MCC: variants seen among roughly 807,000 people sequenced by gnomAD.
The protein encoded by MCC is colorectal mutant cancer protein.
In MCC, 90 loss-of-function variants were observed where a neutral mutation model predicts 116.2. That is an observed-to-expected ratio of 0.77 (90% CI 0.65 to 0.92). MCC has a LOEUF of 0.92. Ranked by LOEUF, MCC falls within the 40% of genes least tolerant of loss-of-function variation. The pLI is 0.00. For missense variants in MCC, 1,516 were observed against 1,312.2 expected, an observed-to-expected ratio of 1.16 and a Z score of -2.40; for synonymous variants, 578 against 510.5, an observed-to-expected ratio of 1.13 and a Z score of -1.78.
chr5:113,110,096 G>T (rs1051457760), intron 6 of MCC, among the ~76,000 whole-genome samples: 3 of 152,284 alleles, frequency 2.0e-5, no homozygotes, highest in Non-Finnish European at 2.9e-5. Flanking sequence ...TGGGGTTACA[G>T]GCGTGAGCTA....
chr5:113,256,710 A>G (rs1444201773), intron 3 of MCC, among the ~76,000 whole-genome samples: 1 of 152,184 alleles, frequency 6.6e-6, no homozygotes, highest in African/African-American at 2.4e-5. Flanking sequence ...ATCCAAACTT[A>G]AGAGCTATCT....
chr5:113,317,086 A>G (rs181838962), intron 3 of MCC, among the ~76,000 whole-genome samples: 2 of 152,332 alleles, frequency 1.3e-5, no homozygotes, highest in East Asian at 3.9e-4. Context: ...GGGACTACCG[A>G]AAAGAAATAA....
chr5:113,215,283 T>G (rs1380006439), intron 3 of MCC, among the ~76,000 whole-genome samples: 1 of 152,080 alleles, frequency 6.6e-6, no homozygotes, highest in East Asian at 1.9e-4. Context: ...GACAACTTGG[T>G]GGGGGGAGGA....
chr5:113,146,349 A>G lies in MCC; in HGVS notation c.742-2989T>C, dbSNP rs565737697. ...GCCATCAAGGCACTGAAGCTGTTGC[A>G]GCTGCAATCTTCTCTCCTCTATGTC... On this transcript the variant is annotated intron_variant, in intron 4 of 18. Transcript: ENST00000408903. Among the ~76,000 whole-genome samples, 3 of 1,094 alleles carry G rather than the reference A, an allele frequency of 2.7e-3. No homozygotes were observed. The South Asian group carries it at 0.21, about 78-fold the overall frequency. The allele number at this position is 1,094 out of a possible 152,430, so 0.7% of individuals were successfully genotyped here.
intron 3 of MCC, among the ~76,000 whole-genome samples, chr5:113,282,449 G>A (rs989430216): frequency 6.6e-6 from 1 of 152,194 alleles, no homozygotes; most frequent in Non-Finnish European, 1.5e-5. Flanking sequence ...ATGAGAAACA[G>A]TTTTGGAAGT....
intron 3 of MCC, among the ~76,000 whole-genome samples, chr5:113,269,017 G>A (rs1411309997): frequency 6.6e-6 from 1 of 152,146 alleles, no homozygotes; most frequent in Non-Finnish European, 1.5e-5. Context: ...AGGAACAAAA[G>A]AAGAATGGCA....
chr5:113,453,829 A>G (rs1771467479), intron 1 of MCC, among the ~76,000 whole-genome samples: 1 of 152,168 alleles, frequency 6.6e-6, no homozygotes. Context: ...TTAAAGTAAT[A>G]GCCAGGTGTG....
intron 11 of MCC, among the ~76,000 whole-genome samples, chr5:113,072,693 T>C (rs1431512199): frequency 1.3e-5 from 2 of 152,232 alleles, no homozygotes; most frequent in African/African-American, 4.8e-5. Flanking sequence ...TGCCATTCTC[T>C]TGGGGCTGTC....
chr5:113,061,358 A>T (rs374060346), intron 14 of MCC, among the ~76,000 whole-genome samples: 479 of 152,328 alleles, frequency 3.1e-3, no homozygotes, highest in Middle Eastern at 0.017. Flanking sequence ...GCACAGAAGG[A>T]GCTGAACTGT....
intron 3 of MCC, among the ~76,000 whole-genome samples, chr5:113,168,220 T>A (rs1022071968): frequency 6.6e-6 from 1 of 152,186 alleles, no homozygotes; most frequent in African/African-American, 2.4e-5. Context: ...ATATACACTG[T>A]ACATGCTTGT....
intron 1 of MCC, among the ~76,000 whole-genome samples, chr5:113,437,833 T>C (rs1353891894): frequency 6.6e-6 from 1 of 152,208 alleles, no homozygotes; most frequent in Non-Finnish European, 1.5e-5. Flanking sequence ...TTGGTTGCTC[T>C]TGGGTAGAGT....
intron 3 of MCC, among the ~76,000 whole-genome samples, chr5:113,290,793 G>A (rs1766465504): frequency 6.6e-6 from 1 of 152,138 alleles, no homozygotes; most frequent in Admixed American, 6.5e-5. Context: ...GGGGGAGAGA[G>A]GTTGAATTCA....
intron 6 of MCC, among the ~76,000 whole-genome samples, chr5:113,104,956 A>C (rs1756645921): frequency 1.3e-5 from 2 of 152,228 alleles, no homozygotes; most frequent in African/African-American, 4.8e-5. Context: ...TAAGGCAACC[A>C]ATTCTAATAA....
At chr5:113,229,947 ATC>A (rs1278249002) in intron 3 of MCC, among the ~76,000 whole-genome samples, 8 of 152,244 alleles carry the variant, frequency 5.3e-5, no homozygotes, top group African/African-American at 1.9e-4. Context: ...CTCAAAATGT[ATC>A]CCAGTTGTTA....
chr5:113,072,040 A>G (rs1303568164), intron 11 of MCC, among the ~76,000 whole-genome samples: 1 of 152,236 alleles, frequency 6.6e-6, no homozygotes, highest in Non-Finnish European at 1.5e-5. Context: ...AAACAAATGA[A>G]TAATATGATC....
intron 1 of MCC, among the ~76,000 whole-genome samples, chr5:113,421,002 G>A (rs1234271138): frequency 6.6e-6 from 1 of 151,664 alleles, no homozygotes; most frequent in Non-Finnish European, 1.5e-5. Flanking sequence ...ACAATTAGTG[G>A]AAATTCCGCA....
chr5:113,277,316 C>A (rs1290447398), intron 3 of MCC, among the ~76,000 whole-genome samples: 1 of 151,134 alleles, frequency 6.6e-6, no homozygotes, highest in African/African-American at 2.4e-5. Flanking sequence ...TGCAGTGAGC[C>A]GAGATTGTGC....
Position 113,464,822 on chromosome 5 carries a change from C to T in MCC, c.170+23423G>A, listed in dbSNP as rs376053582. On this transcript the variant is annotated intron_variant, in intron 1 of 18. Transcript: ENST00000408903. The stretch of plus-strand genomic sequence containing the variant: ...AAAAAAAAAGGCTAAAAAAGCTCCA[C>T]TCATGGCAGCAATAAAATGTAGGGG... 4.6e-5 allele frequency among the ~76,000 whole-genome samples: 7 copies of T among 151,462 alleles called. No homozygotes were observed. The East Asian group carries it at 1.2e-3, about 25-fold the overall frequency.
At chr5:113,221,153 G>A (rs1461435728) in intron 3 of MCC, among the ~76,000 whole-genome samples, 2 of 152,222 alleles carry the variant, frequency 1.3e-5, no homozygotes, top group Admixed American at 6.5e-5. Flanking sequence ...GCAGTGAGCC[G>A]TGATCGTGCC....
Sources: gnomAD v4.1 joint callset for allele counts (sites outside exome capture counted in the v4.1 genomes callset) on GRCh38, gnomAD v4.1.1 for gene constraint, MANE v1.5 for transcripts, NCBI Gene and HGNC (gene_info 2026-07-23, HGNC 2026-07-21) for gene names.